The following ZNF615 variants were observed in gnomAD, a reference collection of about 807,000 sequenced individuals.
ZNF615 encodes zinc finger protein 615.
Under a neutral mutation model 15.3 loss-of-function variants are expected in ZNF615, and 15 were observed. That is an observed-to-expected ratio of 0.98 (90% CI 0.66 to 1.51). The LOEUF is 1.51. Among genes scored for constraint, ZNF615 ranks in the 40% most tolerant of loss-of-function variants. The pLI is 0.00. For synonymous variants in ZNF615, 268 were observed against 294.6 expected, an observed-to-expected ratio of 0.91 and a Z score of 0.92; for missense variants, 848 against 895.9, an observed-to-expected ratio of 0.95 and a Z score of 0.68.
At chr19:52,001,652 A>G (rs1472445460) in intron 5 of ZNF615, 161 bp downstream of exon 5, 2 of 587,762 alleles carry the variant, frequency 3.4e-6, no homozygotes, top group Non-Finnish European at 6.1e-6. Flanking sequence ...AAAGTGGGGC[A>G]TATTTTCCAT....
Position 51,994,029 on chromosome 19 carries a change from A to G in ZNF615, c.1080T>C (p.Cys360=). ...TGEKPYICSE[C]GKGFIEKRRL... ...GCCTCTTCTCAATGAAGCCTTTTCC[A>G]CATTCACTACATATATAAGGTTTTT... is the stretch of plus-strand genomic sequence containing the variant. The change falls in exon 7 of 7, where the codon TGT becomes TGC. Residue 360 remains cysteine (C), a synonymous_variant. Coordinates refer to ENST00000598071, the MANE Select transcript of ZNF615 (RefSeq NM_001199324.2). The G allele has an allele frequency of 6.2e-7, 1 of 1,612,574 alleles. No homozygotes were observed. The highest frequency in any genetic ancestry group is 8.5e-7 in the Non-Finnish European group (1 of 1,179,236).
intron 5 of ZNF615, 57 bp from the exon 6 acceptor site, chr19:52,000,435 T>A: frequency 1.7e-6 from 1 of 591,706 alleles, no homozygotes. Flanking sequence ...TATATAAGGA[T>A]AGCCAAAAGC....
At chr19:51,997,366 T>A (rs2123035612) in intron 6 of ZNF615, among the ~76,000 whole-genome samples, 1 of 152,250 alleles carries the variant, frequency 6.6e-6, no homozygotes, top group Non-Finnish European at 1.5e-5. Flanking sequence ...ATTTAAAGTG[T>A]CACATGCTGA....
At chr19:52,008,120 C>T (rs1404652198) in intron 1 of ZNF615, 21 bp downstream of exon 1, 7 of 1,535,096 alleles carry the variant, frequency 4.6e-6, no homozygotes, top group East Asian at 2.4e-5. Flanking sequence ...ACCACAGCGA[C>T]CACCCAGTGA....
Position 52,003,774 on chromosome 19 carries a change from A to G in ZNF615, c.-63T>C. The G allele has an allele frequency of 6.3e-7, 1 of 1,593,794 alleles. No homozygotes were observed. Among genetic ancestry groups the G allele is most frequent in the Non-Finnish European group, 8.5e-7 (1 of 1,172,616 alleles). ...GTTCTGTATTTGTCTCTTCTGAATC[A>G]GCTCTAAATTTCGGTTCAAAAACTT... On this transcript the variant is annotated 5_prime_UTR_variant, in exon 3 of 7. Coordinates refer to ENST00000598071, the MANE Select transcript of ZNF615 (RefSeq NM_001199324.2).
rs1555771234 is a variant in ZNF615 at position 51,996,395 on chromosome 19, A to AAAAAAC, written c.272-1559_272-1558insGTTTTT. 6.8e-4 allele frequency among the ~76,000 whole-genome samples: 99 copies of AAAAAAC among 146,492 alleles called. 3 individuals carry two copies. Among genetic ancestry groups the AAAAAAC allele is most frequent in the African/African-American group, 2.4e-3 (92 of 38,126 alleles). ...AGCAAGACTCTGTCTCAAAAAAAAA[A>AAAAAAC]AAAAAAAAAAAAACGCAAAACTATA... On this transcript the variant is annotated intron_variant, in intron 6 of 6. Transcript: ENST00000598071.
At position 51,993,342 on chromosome 19, in the gene ZNF615, A is replaced by G. The variant is rs143620046; in HGVS notation, c.1767T>C (p.Thr589=). 9.6e-5 allele frequency: 155 copies of G among 1,613,344 alleles called. No homozygotes were observed. In the African/African-American group the frequency reaches 2.0e-3, roughly 21 times the overall value. ...YVCSECGKGL[T]GKSMLIAHQR... is the part of the protein sequence containing the mutation. ...GATGTGCAATGAGCATGCTTTTCCCAGTTAAGCCTTTGCCACATTCACTGC... is the reference window on the plus strand; with the variant it reads ...GATGTGCAATGAGCATGCTTTTCCCGGTTAAGCCTTTGCCACATTCACTGC... The change falls in exon 7 of 7, where the codon ACT becomes ACC. Residue 589 remains threonine, a synonymous_variant. Coordinates refer to ENST00000598071, the MANE Select transcript of ZNF615 (RefSeq NM_001199324.2).
intron 3 of ZNF615, among the ~76,000 whole-genome samples, chr19:52,003,207 T>C (rs917924938): frequency 1.3e-5 from 2 of 152,298 alleles, no homozygotes; most frequent in East Asian, 1.9e-4. Context: ...TTCATATATA[T>C]GTGTATGTTA....
chr19:51,996,536 T>G (rs1388611286), intron 6 of ZNF615, among the ~76,000 whole-genome samples: 2 of 152,080 alleles, frequency 1.3e-5, no homozygotes, highest in African/African-American at 4.8e-5. Context: ...TTTAAGACCA[T>G]TACCACATAT....
intron 5 of ZNF615, among the ~76,000 whole-genome samples, chr19:52,001,377 T>C (rs2086584161): frequency 6.6e-6 from 1 of 152,000 alleles, no homozygotes; most frequent in Non-Finnish European, 1.5e-5. Flanking sequence ...CTCAGCACTT[T>C]GGGAGGCCAA....
chr19:52,005,206 C>CA (rs2086717395), intron 2 of ZNF615, among the ~76,000 whole-genome samples: 1 of 152,116 alleles, frequency 6.6e-6, no homozygotes, highest in South Asian at 2.1e-4. Flanking sequence ...GTGCAGTGAG[C>CA]CAAGATTGTG....
In ZNF615 at chr19:52,001,917, G is replaced by A; in HGVS notation, c.143-9C>T. ...TTTGCTGGCTTGATACCCTGTTCAT[G>A]GGAAATGACAGAAGATTTAGACAAA... On this transcript the variant is annotated splice_polypyrimidine_tract_variant and intron_variant, in intron 4 of 6. Coordinates refer to ENST00000598071, the MANE Select transcript of ZNF615 (RefSeq NM_001199324.2). The A allele has an allele frequency of 3.1e-6, 5 of 1,613,832 alleles. No homozygotes were observed. The highest frequency in any genetic ancestry group is 4.2e-6 in the Non-Finnish European group (5 of 1,179,706).
chr19:51,998,183 T>A (rs2086495931), intron 6 of ZNF615, among the ~76,000 whole-genome samples: 1 of 152,218 alleles, frequency 6.6e-6, no homozygotes, highest in African/African-American at 2.4e-5. Context: ...TGAATGCCCT[T>A]GACAGGCAGT....
In ZNF615 at chr19:51,991,435, G is replaced by A. The variant is rs765956336; in HGVS notation, c.*1445C>T. 4 of 152,124 alleles carry A rather than the reference G, an allele frequency of 2.6e-5. No homozygotes were observed. Among genetic ancestry groups the A allele is most frequent in the South Asian group, 2.1e-4 (1 of 4,834 alleles). 9.4% of individuals were successfully genotyped at this position (152,124 alleles called of 1,614,324 possible). On this transcript the variant is annotated 3_prime_UTR_variant, in exon 7 of 7. Transcript: ENST00000598071. ...TGAATAAACAAATAGTGGTATATTCGTATCATAGATTATTAGTGGCCAATA... is the reference window on the plus strand; with the variant it reads ...TGAATAAACAAATAGTGGTATATTCATATCATAGATTATTAGTGGCCAATA...
chr19:52,007,233 G>A lies in ZNF615; in HGVS notation c.-190+60C>T, dbSNP rs796762224. 8 of 1,010,170 alleles carry A rather than the reference G, an allele frequency of 7.9e-6. No individual in the cohort carries two copies. The African/African-American group carries it at 1.0e-4, about 13-fold the overall frequency. The allele number at this position is 1,010,170 out of a possible 1,614,324, so 62.6% of individuals were successfully genotyped here. A position where few individuals can be genotyped will look rare whatever the true frequency, so the allele number is the denominator to read the frequency against. On this transcript the variant is annotated intron_variant, in intron 2 of 6. Coordinates refer to ENST00000598071, the MANE Select transcript of ZNF615 (RefSeq NM_001199324.2). ...TGAATATTAAGCACATAACATACAC[G>A]TCTAAAATTGAAATATTCTGAAAAT...
intron 1 of ZNF615, chr19:52,007,930 A>ATC: frequency 1.8e-6 from 1 of 542,496 alleles, no homozygotes; most frequent in East Asian, 3.0e-5. Context: ...AGGTACCCCG[A>ATC]TCACACACAC....
Position 51,993,485 on chromosome 19 carries a change from G to A in ZNF615, c.1624C>T (p.Gln542Ter). ...GGTTTCTCTCCTGTATGAGTTCGTT[G>A]ATGTCCCATTAGCCGGATCTTTGCT... ...FPAKIRLMGH[Q>*]RTHTGEKPYI... Residue 542 changes from glutamine to a stop codon, truncating the protein, a stop_gained, in exon 7 of 7, where the codon CAA becomes TAA. Transcript: ENST00000598071. LOFTEE classifies it low-confidence loss of function (END_TRUNC). 1.9e-6 allele frequency: 3 copies of A among 1,614,024 alleles called. No individual in the cohort carries two copies. Among genetic ancestry groups the A allele is most frequent in the Non-Finnish European group, 2.5e-6 (3 of 1,179,998 alleles).
intron 6 of ZNF615, among the ~76,000 whole-genome samples, chr19:51,997,950 G>A (rs966755619): frequency 1.4e-5 from 2 of 142,504 alleles, no homozygotes; most frequent in Non-Finnish European, 3.0e-5. Context: ...GTTTCTCCTG[G>A]ATTCTTCTTT....
In ZNF615 at chr19:51,993,157, A is replaced by G. The variant is rs140592458; in HGVS notation, c.1952T>C (p.Ile651Thr). The G allele has an allele frequency of 2.0e-5, 32 of 1,614,210 alleles. No individual in the cohort carries two copies. The highest frequency in any genetic ancestry group is 2.6e-5 in the Non-Finnish European group (31 of 1,180,032). ...DKTFRKKTCL[I>T]QHQRFHTGKT... is the part of the protein sequence containing the mutation. Reference sequence around the variant, plus strand: ...TCCTGTGTGAAATCGCTGATGTTGTATGAGGCATGTCTTCTTCCTGAAGGT... The same window carrying G: ...TCCTGTGTGAAATCGCTGATGTTGTGTGAGGCATGTCTTCTTCCTGAAGGT... Residue 651 changes from isoleucine (I) to threonine (T), a missense_variant, in exon 7 of 7, where the codon ATA becomes ACA. Coordinates refer to ENST00000598071, the MANE Select transcript of ZNF615 (RefSeq NM_001199324.2).
Sources: gnomAD v4.1 joint callset for allele counts (sites outside exome capture counted in the v4.1 genomes callset) on GRCh38, gnomAD v4.1.1 for gene constraint, MANE v1.5 for transcripts, NCBI Gene and HGNC (gene_info 2026-07-23, HGNC 2026-07-21) for gene names.